The following LMBRD1 variants were observed in gnomAD, a reference collection of about 807,000 sequenced individuals.
The protein encoded by LMBRD1 is LMBR1 domain containing 1.
A neutral mutation model predicts 74.8 loss-of-function variants in LMBRD1; 64 were observed. The ratio of observed to expected loss-of-function variants is 0.86; its 90% CI spans 0.70 to 1.05. LMBRD1 has a LOEUF of 1.05. LMBRD1 is among the 50% of genes least tolerant of loss of function. The pLI, the probability that LMBRD1 is intolerant of heterozygous loss-of-function variation, is 0.00. For missense variants in LMBRD1, 652 were observed against 645.9 expected (o/e 1.01, Z -0.10); for synonymous variants, 204 against 216.3 (o/e 0.94, Z 0.50).
At chr6:69,711,838 T>G (rs1766389606) in intron 9 of LMBRD1, among the ~76,000 whole-genome samples, 1 of 151,954 alleles carries the variant, frequency 6.6e-6, no homozygotes, top group Admixed American at 6.6e-5. Flanking sequence ...TTTCTTTTTC[T>G]TTTTTTTAAC....
chr6:69,689,332 C>T (rs539815911), intron 14 of LMBRD1, among the ~76,000 whole-genome samples: 14 of 152,172 alleles, frequency 9.2e-5, no homozygotes, highest in Admixed American at 1.3e-4. Context: ...GTCAACTCTC[C>T]AAACAACATT....
At chr6:69,721,385 G>T (rs1250214486) in intron 7 of LMBRD1, among the ~76,000 whole-genome samples, 1 of 152,150 alleles carries the variant, frequency 6.6e-6, no homozygotes, top group African/African-American at 2.4e-5. Flanking sequence ...TTTGCGTCTT[G>T]GATACCAGCA....
intron 3 of LMBRD1, among the ~76,000 whole-genome samples, chr6:69,757,690 C>T (rs908379859): frequency 1.3e-5 from 2 of 152,084 alleles, no homozygotes; most frequent in Admixed American, 1.3e-4. Context: ...TATCATGAAA[C>T]AGGAAAAACT....
intron 14 of LMBRD1, 38 bp from the exon 15 acceptor site, chr6:69,676,579 C>A (rs769002944): frequency 2.7e-6 from 4 of 1,455,778 alleles, no homozygotes; most frequent in African/African-American, 1.4e-5. Context: ...GAGATAGGTT[C>A]TTTCATAAAA....
At chr6:69,768,440 A>C (rs1030990592) in intron 3 of LMBRD1, among the ~76,000 whole-genome samples, 8 of 149,646 alleles carry the variant, frequency 5.3e-5, no homozygotes, top group African/African-American at 2.0e-4. Flanking sequence ...ATATTCACAC[A>C]ATACAGGCAA....
intron 2 of LMBRD1, among the ~76,000 whole-genome samples, chr6:69,789,343 CA>C (rs1373617948): frequency 1.3e-5 from 2 of 151,964 alleles, no homozygotes; most frequent in Admixed American, 1.3e-4. Context: ...GCCAACATGG[CA>C]AAACCCCATC....
intron 3 of LMBRD1, among the ~76,000 whole-genome samples, chr6:69,770,795 A>G (rs2149887781): frequency 6.6e-6 from 1 of 152,296 alleles, no homozygotes; most frequent in African/African-American, 2.4e-5. Context: ...AAACTATATA[A>G]TGCATCAGAA....
chr6:69,701,109 T>A (rs1766119673), intron 11 of LMBRD1, among the ~76,000 whole-genome samples: 1 of 151,694 alleles, frequency 6.6e-6, no homozygotes, highest in Non-Finnish European at 1.5e-5. Flanking sequence ...TAAACTAAAA[T>A]TGCATTTATC....
At chr6:69,751,661 G>GA (rs1765156609) in intron 4 of LMBRD1, among the ~76,000 whole-genome samples, 2 of 152,178 alleles carry the variant, frequency 1.3e-5, no homozygotes, top group African/African-American at 4.8e-5. Context: ...GGATTAGTAA[G>GA]AACAACCTAC....
intron 3 of LMBRD1, among the ~76,000 whole-genome samples, chr6:69,775,272 T>A (rs993733530): frequency 6.6e-6 from 1 of 152,076 alleles, no homozygotes; most frequent in African/African-American, 2.4e-5. Flanking sequence ...TATTAATAAC[T>A]AATCAACAGC....
At position 69,685,886 on chromosome 6, in the gene LMBRD1, G is replaced by A. The variant is rs143926612; in HGVS notation, c.1418-9345C>T. ...CCAAGTGATTTTGATGCATGCGAAA[G>A]TTTGATAACCTTTCTTTTACTCTAA... On this transcript the variant is annotated intron_variant, in intron 14 of 15. Transcript: ENST00000649934. Among the ~76,000 whole-genome samples the A allele has an allele frequency of 6.4e-3, 969 of 152,250 alleles. 14 individuals are homozygous for A. Among genetic ancestry groups the A allele is most frequent in the African/African-American group, 0.02 (830 of 41,544 alleles).
chr6:69,776,760 T>C (rs1368090598), intron 3 of LMBRD1, among the ~76,000 whole-genome samples: 2 of 152,174 alleles, frequency 1.3e-5, no homozygotes, highest in East Asian at 3.8e-4. Flanking sequence ...AAAATCAGAA[T>C]CAGTACCATT....
At chr6:69,714,596 T>G (rs1766451904) in intron 8 of LMBRD1, among the ~76,000 whole-genome samples, 1 of 152,154 alleles carries the variant, frequency 6.6e-6, no homozygotes, top group African/African-American at 2.4e-5. Flanking sequence ...GATTACATTT[T>G]TAAAGTGTAG....
In LMBRD1 at chr6:69,675,507, T is replaced by A. The variant is rs1765526913; in HGVS notation, c.*651A>T. Among the ~76,000 whole-genome samples, 1 of 152,122 alleles carries A rather than the reference T, an allele frequency of 6.6e-6. No individual in the cohort carries two copies. Among genetic ancestry groups the A allele is most frequent in the African/African-American group, 2.4e-5 (1 of 41,430 alleles). On this transcript the variant is annotated 3_prime_UTR_variant, in exon 16 of 16. Coordinates refer to ENST00000649934, the MANE Select transcript of LMBRD1 (RefSeq NM_018368.4). The stretch of plus-strand genomic sequence containing the variant: ...TTGAAATACACATTTTGAGGTCAGA[T>A]GCAAAACAAAAGCTACCTATAACAA...
At chr6:69,774,962 G>C in intron 3 of LMBRD1, among the ~76,000 whole-genome samples, 1 of 33,748 alleles carries the variant, frequency 3.0e-5, no homozygotes. Context: ...AGGAAGGAAG[G>C]AAGGAAGGAA....
chr6:69,782,697 A>AG lies in LMBRD1; in HGVS notation c.247-2144_247-2143insC, dbSNP rs568947168. On this transcript the variant is annotated intron_variant, in intron 2 of 15. Coordinates refer to ENST00000649934, the MANE Select transcript of LMBRD1 (RefSeq NM_018368.4). ...CTCTGTCTCAAGAAACAAAAAAAAA[A>AG]AGAGAGAGAGAGAGAAAAGACTAGG... 3.0e-4 allele frequency among the ~76,000 whole-genome samples: 46 copies of AG among 151,572 alleles called. No homozygotes were observed. The South Asian group carries it at 8.8e-3, about 29-fold the overall frequency.
chr6:69,705,273 T>C (rs1430044941), intron 9 of LMBRD1: 1 of 722,986 alleles, frequency 1.4e-6, no homozygotes, highest in South Asian at 1.4e-5. Flanking sequence ...TAACAAATTG[T>C]TTAAACTATT....
chr6:69,700,842 T>C lies in LMBRD1; in HGVS notation c.1111A>G (p.Thr371Ala). 1 of 1,453,310 alleles carries C rather than the reference T, an allele frequency of 6.9e-7. No individual in the cohort carries two copies. Among genetic ancestry groups the C allele is most frequent in the South Asian group, 1.3e-5 (1 of 78,620 alleles). 90.0% of individuals were successfully genotyped at this position (1,453,310 alleles called of 1,614,324 possible). A position where few individuals can be genotyped will look rare whatever the true frequency, so the allele number is the denominator to read the frequency against. ...AAAATAAAGTACATAATAATAATTG[T>C]TATAAGAATATAATCAAGAGGGAAA... ...TVFPLDYILITIIIMYFIFTS... is the reference protein window; with the variant it reads ...TVFPLDYILIAIIIMYFIFTS... The change falls in exon 12 of 16, where the codon ACA becomes GCA. Residue 371 changes from threonine (T) to alanine (A), a missense_variant. By Grantham distance (58) the Thr-to-Ala change is moderately conservative. Coordinates refer to ENST00000649934, the MANE Select transcript of LMBRD1 (RefSeq NM_018368.4).
At chr6:69,771,692 TC>T (rs34428813) in intron 3 of LMBRD1, among the ~76,000 whole-genome samples, 17,043 of 152,090 alleles carry the variant, frequency 0.11, 2,673 homozygotes, top group African/African-American at 0.35. Flanking sequence ...AGTAATGACT[TC>T]GTCATTTCCT....
Sources: gnomAD v4.1 joint callset for allele counts (sites outside exome capture counted in the v4.1 genomes callset) on GRCh38, gnomAD v4.1.1 for gene constraint, MANE v1.5 for transcripts, NCBI Gene and HGNC (gene_info 2026-07-23, HGNC 2026-07-21) for gene names.